Variants in FRMD4A observed in about 807,000 individuals in gnomAD.
FRMD4A encodes FERM domain-containing protein 4A.
In FRMD4A, 29 loss-of-function variants were observed where a neutral mutation model predicts 129.1. The observed-to-expected ratio is 0.22, with a 90% CI of 0.17 to 0.31. The LOEUF (loss-of-function observed/expected upper bound fraction) is 0.31. Ranked by LOEUF, FRMD4A falls within the 10% of genes least tolerant of loss-of-function variation. FRMD4A has a pLI of 1.00. For missense variants in FRMD4A, 1,272 were observed against 1,375.8 expected, an observed-to-expected ratio of 0.92 and a Z score of 1.19; for synonymous variants, 634 against 571.6, an observed-to-expected ratio of 1.11 and a Z score of -1.56.
chr10:13,759,066 T>C (rs868309844), intron 8 of FRMD4A, among the ~76,000 whole-genome samples: 2 of 152,164 alleles, frequency 1.3e-5, no homozygotes, highest in Non-Finnish European at 2.9e-5. Context: ...TTTACTAGCA[T>C]GGGCCTGCTA....
At chr10:13,904,497 T>C (rs903163944) in intron 2 of FRMD4A, among the ~76,000 whole-genome samples, 2 of 152,248 alleles carry the variant, frequency 1.3e-5, no homozygotes, top group African/African-American at 4.8e-5. Flanking sequence ...GTCTTTATAC[T>C]GCTCTCCGTC....
chr10:13,715,285 A>G (rs893102106), intron 12 of FRMD4A, among the ~76,000 whole-genome samples: 83 of 152,090 alleles, frequency 5.5e-4, no homozygotes, highest in African/African-American at 1.9e-3. Flanking sequence ...GGGCATTCCT[A>G]CATTCTGTGC....
chr10:14,239,521 G>A (rs1196489983), intron 2 of FRMD4A, among the ~76,000 whole-genome samples: 1 of 152,180 alleles, frequency 6.6e-6, no homozygotes, highest in African/African-American at 2.4e-5. Flanking sequence ...CAGCTACTAG[G>A]GAGGCTGAGG....
chr10:14,021,596 T>TA (rs959667710), intron 2 of FRMD4A, among the ~76,000 whole-genome samples: 77 of 151,596 alleles, frequency 5.1e-4, no homozygotes, highest in Non-Finnish European at 7.7e-4. Flanking sequence ...AATAAATAAA[T>TA]AAAAACTGGG....
intron 2 of FRMD4A, among the ~76,000 whole-genome samples, chr10:14,313,496 A>G (rs1376320729): frequency 6.6e-6 from 1 of 152,240 alleles, no homozygotes; most frequent in African/African-American, 2.4e-5. Flanking sequence ...TCTTTGTCAT[A>G]TTGCCTCTTT....
intron 15 of FRMD4A, among the ~76,000 whole-genome samples, chr10:13,681,336 G>C (rs553939431): frequency 6.6e-6 from 1 of 152,278 alleles, no homozygotes; most frequent in African/African-American, 2.4e-5. Flanking sequence ...AAACTCAAAA[G>C]CTAAACAGAG....
intron 2 of FRMD4A, among the ~76,000 whole-genome samples, chr10:14,020,992 A>C (rs1832720019): frequency 6.6e-6 from 1 of 152,128 alleles, no homozygotes; most frequent in Admixed American, 6.5e-5. Context: ...ACACCCCTGG[A>C]CACTTGCTCT....
At chr10:14,170,310 C>T (rs759132540) in intron 2 of FRMD4A, among the ~76,000 whole-genome samples, 4 of 152,192 alleles carry the variant, frequency 2.6e-5, no homozygotes, top group South Asian at 2.1e-4. Context: ...GAGCAGGACT[C>T]GCCGGACATG....
intron 2 of FRMD4A, among the ~76,000 whole-genome samples, chr10:14,081,726 C>T (rs1451287763): frequency 1.3e-5 from 2 of 152,112 alleles, no homozygotes; most frequent in Non-Finnish European, 1.5e-5. Flanking sequence ...TCCCTGCTGC[C>T]CTCCTAGCAG....
At chr10:13,767,674 G>C (rs562254652) in intron 6 of FRMD4A, among the ~76,000 whole-genome samples, 87 of 152,332 alleles carry the variant, frequency 5.7e-4, no homozygotes, top group African/African-American at 2.0e-3. Context: ...GACAAAATGG[G>C]ATCATAGGAG....
chr10:14,234,988 C>T (rs950865106), intron 2 of FRMD4A, among the ~76,000 whole-genome samples: 3 of 152,060 alleles, frequency 2.0e-5, no homozygotes, highest in Admixed American at 6.5e-5. Context: ...TTGTAGTGCT[C>T]GTTCCTTTTT....
chr10:13,939,921 A>G (rs1048782647), intron 2 of FRMD4A, among the ~76,000 whole-genome samples: 1 of 152,226 alleles, frequency 6.6e-6, no homozygotes, highest in Admixed American at 6.5e-5. Context: ...AAAGGGATAC[A>G]CATTTGTAAG....
chr10:14,265,384 G>C (rs1300784165), intron 2 of FRMD4A, among the ~76,000 whole-genome samples: 2 of 152,054 alleles, frequency 1.3e-5, no homozygotes, highest in Non-Finnish European at 2.9e-5. Context: ...CAAGATTTTT[G>C]TTTTGGTTTG....
In FRMD4A at chr10:14,147,685, C is replaced by T. The variant is rs914162708; in HGVS notation, c.45+182373G>A. Among the ~76,000 whole-genome samples, 8 of 152,034 alleles carry T rather than the reference C, an allele frequency of 5.3e-5. No homozygotes were observed. The East Asian group carries it at 9.7e-4, about 18-fold the overall frequency. ...CTGCACTCTTATGAGAATCGAATGC[C>T]GCTGCTGATCTGACAGGAGGTGGAG... On this transcript the variant is annotated intron_variant, in intron 2 of 24. Transcript: ENST00000357447.
At chr10:14,283,733 A>G (rs1384003633) in intron 2 of FRMD4A, among the ~76,000 whole-genome samples, 1 of 152,226 alleles carries the variant, frequency 6.6e-6, no homozygotes, top group East Asian at 1.9e-4. Context: ...GTTATTTTGC[A>G]AGTTTGCCTG....
intron 2 of FRMD4A, among the ~76,000 whole-genome samples, chr10:14,224,354 T>G (rs927530724): frequency 1.3e-5 from 2 of 152,212 alleles, no homozygotes; most frequent in East Asian, 3.9e-4. Flanking sequence ...CCTAGAACAC[T>G]TGCCACAGTG....
chr10:14,006,296 T>C (rs890307657), intron 2 of FRMD4A, among the ~76,000 whole-genome samples: 1 of 152,158 alleles, frequency 6.6e-6, no homozygotes, highest in Non-Finnish European at 1.5e-5. Flanking sequence ...ACCATACTCA[T>C]GTTAAGGCCC....
intron 14 of FRMD4A, among the ~76,000 whole-genome samples, chr10:13,700,837 T>TTC (rs2086752251): frequency 2.0e-5 from 2 of 99,756 alleles, no homozygotes; most frequent in Non-Finnish European, 4.0e-5. Flanking sequence ...TTTTTTTTTT[T>TTC]TTTTTTTTAA....
chr10:13,695,879 C>G (rs1032768876), intron 14 of FRMD4A, among the ~76,000 whole-genome samples: 4 of 152,220 alleles, frequency 2.6e-5, no homozygotes, highest in Non-Finnish European at 1.5e-5. Flanking sequence ...GTCTGAATGC[C>G]TGCAGCTCTG....
Sources: allele counts gnomAD v4.1 joint callset (sites outside exome capture counted in the v4.1 genomes callset), GRCh38; gene constraint gnomAD v4.1.1; transcripts MANE v1.5; gene names NCBI Gene and HGNC (gene_info 2026-07-23, HGNC 2026-07-21).